FNBP1: variants seen among roughly 807,000 people sequenced by gnomAD.
FNBP1 encodes formin binding protein 1.
A neutral mutation model predicts 90.6 loss-of-function variants in FNBP1; 26 were observed. The observed-to-expected ratio is 0.29, with a 90% CI of 0.21 to 0.40. FNBP1 has a LOEUF of 0.40. FNBP1 is among the 10% of genes least tolerant of loss of function. FNBP1 has a pLI of 1.00. For synonymous variants in FNBP1, 260 were observed against 265.2 expected (o/e 0.98, Z 0.19); for missense variants, 635 against 768.0 (o/e 0.83, Z 2.05).
intron 6 of FNBP1, among the ~76,000 whole-genome samples, chr9:129,934,300 T>C (rs949168969): frequency 1.3e-5 from 2 of 152,178 alleles, no homozygotes; most frequent in Non-Finnish European, 2.9e-5. Context: ...GCAATATTAC[T>C]ACAGGGCAGA....
chr9:129,907,928 C>T (rs2038456131), intron 12 of FNBP1, among the ~76,000 whole-genome samples: 1 of 151,804 alleles, frequency 6.6e-6, no homozygotes, highest in South Asian at 2.1e-4. Context: ...AGGGTTTCAC[C>T]GTGTTAGCCA....
intron 11 of FNBP1, among the ~76,000 whole-genome samples, chr9:129,912,272 A>G (rs1287905302): frequency 6.6e-6 from 1 of 152,176 alleles, no homozygotes; most frequent in Non-Finnish European, 1.5e-5. Flanking sequence ...GTTGATTGTC[A>G]TAGTGGAACA....
At chr9:130,027,438 T>C (rs1589356880) in intron 1 of FNBP1, among the ~76,000 whole-genome samples, 1 of 152,312 alleles carries the variant, frequency 6.6e-6, no homozygotes. Flanking sequence ...ATTTTATCTT[T>C]AAACTAGAAT....
At chr9:130,014,304 T>A (rs1327599953) in intron 1 of FNBP1, among the ~76,000 whole-genome samples, 1 of 150,168 alleles carries the variant, frequency 6.7e-6, no homozygotes, top group Non-Finnish European at 1.5e-5. Flanking sequence ...CAGGCTGGAG[T>A]GCAATGGCGC....
chr9:130,042,082 G>T lies in FNBP1; in HGVS notation c.24+870C>A, dbSNP rs1328870887. 6.6e-6 allele frequency among the ~76,000 whole-genome samples: 1 copy of T among 152,080 alleles called. No homozygotes were observed. The highest frequency in any genetic ancestry group is 1.9e-4 in the East Asian group (1 of 5,140). On this transcript the variant is annotated intron_variant, in intron 1 of 16. Transcript: ENST00000446176. The surrounding 1 kb of genome is among the most constrained non-coding windows in gnomAD (Gnocchi z 5.5). ...GGAATCCGGGGACGGCAGGAAAAGAGCTCCATCCACAGCCAGCCCCTCGCC... is the reference window on the plus strand; with the variant it reads ...GGAATCCGGGGACGGCAGGAAAAGATCTCCATCCACAGCCAGCCCCTCGCC...
intron 1 of FNBP1, among the ~76,000 whole-genome samples, chr9:129,998,230 G>A (rs1442137026): frequency 8.8e-5 from 13 of 147,336 alleles, no homozygotes; most frequent in South Asian, 4.3e-4. Flanking sequence ...ATGGCCGGGC[G>A]CGGTGGCTCA....
At chr9:130,047,064 G>C (rs1470513259), upstream of FNBP1, among the ~76,000 whole-genome samples, 1 of 152,082 alleles carries the variant, frequency 6.6e-6, no homozygotes, top group East Asian at 1.9e-4. Context: ...CCCTCAATTT[G>C]TGATATCTGA....
chr9:129,919,065 T>C, intron 10 of FNBP1: 3 of 404,478 alleles, frequency 7.4e-6, no homozygotes, highest in Middle Eastern at 7.2e-4. Context: ...TGTGGAAGCA[T>C]AACAAGTGCC....
chr9:129,916,841 C>A (rs189474504), intron 10 of FNBP1, among the ~76,000 whole-genome samples: 71 of 152,258 alleles, frequency 4.7e-4, no homozygotes, highest in African/African-American at 1.7e-3. Context: ...TAGCATTGCT[C>A]TAAGAAACTA....
Position 129,889,623 on chromosome 9 carries a change from C to G in FNBP1, c.*916G>C, listed in dbSNP as rs2034945358. 4.4e-6 allele frequency: 1 copy of G among 225,436 alleles called. No homozygotes were observed. The highest frequency in any genetic ancestry group is 2.2e-5 in the African/African-American group (1 of 44,636). The allele number at this position is 225,436 out of a possible 1,614,324, so 14.0% of individuals were successfully genotyped here. On this transcript the variant is annotated 3_prime_UTR_variant, in exon 17 of 17. Transcript: ENST00000446176. ...AAGGAAGTGCTACCCTTTTCAGATG[C>G]TAATCCTGGGGCTCCTGGAAAGGAG...
intron 6 of FNBP1, among the ~76,000 whole-genome samples, chr9:129,933,032 C>T (rs2042986353): frequency 6.6e-6 from 1 of 152,104 alleles, no homozygotes; most frequent in Non-Finnish European, 1.5e-5. Flanking sequence ...ACAAGGCTTC[C>T]TCAGAAAGTC....
intron 2 of FNBP1, among the ~76,000 whole-genome samples, chr9:129,984,368 T>C (rs1302035177): frequency 6.6e-6 from 1 of 152,140 alleles, no homozygotes; most frequent in Non-Finnish European, 1.5e-5. Context: ...TGGGACAGCT[T>C]AGAATGGGTG....
At position 129,957,556 on chromosome 9, in the gene FNBP1, C is replaced by CA. The variant is rs2047147630; in HGVS notation, c.409-93_409-92insT. The CA allele has an allele frequency of 2.0e-5, 19 of 933,026 alleles. No homozygotes were observed. Among genetic ancestry groups the CA allele is most frequent in the Non-Finnish European group, 1.7e-5 (11 of 638,944 alleles). The allele number at this position is 933,026 out of a possible 1,614,324, so 57.8% of individuals were successfully genotyped here. A position where few individuals can be genotyped will look rare whatever the true frequency, so the allele number is the denominator to read the frequency against. Reference sequence around the variant, plus strand: ...GCTCCCAAAGAGCATTGTTCTTTTTCTTTTTTTTTTCTTCAGTCAGGGTCT... The same window carrying CA: ...GCTCCCAAAGAGCATTGTTCTTTTTCATTTTTTTTTTCTTCAGTCAGGGTCT... On this transcript the variant is annotated intron_variant, in intron 5 of 16. Transcript: ENST00000446176. This position sits in a 1 kb window ranked among gnomAD's most constrained non-coding sequence, Gnocchi z 4.3.
rs183694172 is a variant in FNBP1 at position 129,999,905 on chromosome 9, A to G, written c.25-4947T>C. ...AGACTTCTGCATTCAATCTATTACGATTCTTTACTTTGGCTGAAATATGTG... is the reference window on the plus strand; with the variant it reads ...AGACTTCTGCATTCAATCTATTACGGTTCTTTACTTTGGCTGAAATATGTG... On this transcript the variant is annotated intron_variant, in intron 1 of 16. Transcript: ENST00000446176. Among the ~76,000 whole-genome samples, 202 of 152,300 alleles carry G rather than the reference A, an allele frequency of 1.3e-3. 1 individual carries two copies. The highest frequency in any genetic ancestry group is 4.8e-3 in the African/African-American group (199 of 41,570).
At chr9:129,938,439 C>T (rs1002629446) in intron 6 of FNBP1, among the ~76,000 whole-genome samples, 17 of 151,838 alleles carry the variant, frequency 1.1e-4, no homozygotes, top group African/African-American at 4.1e-4. Context: ...ATGAGTCTGT[C>T]TTTGATAAAT....
rs769360352 is a variant in FNBP1 at position 130,032,167 on chromosome 9, CTTTTT to C, written c.24+10780_24+10784del. 2.1e-5 allele frequency among the ~76,000 whole-genome samples: 3 copies of C among 142,562 alleles called. No individual in the cohort carries two copies. The South Asian group carries it at 6.7e-4, about 32-fold the overall frequency. 93.5% of individuals were successfully genotyped at this position (142,562 alleles called of 152,430 possible). A position where few individuals can be genotyped will look rare whatever the true frequency, so the allele number is the denominator to read the frequency against. On this transcript the variant is annotated intron_variant, in intron 1 of 16. Coordinates refer to ENST00000446176, the MANE Select transcript of FNBP1 (RefSeq NM_015033.3). ...ATTTTTAAGGATAAGTTAAAATAAA[CTTTTT>C]TTTTTTTTTTCCCAGACAAGGTCTT...
intron 1 of FNBP1, among the ~76,000 whole-genome samples, chr9:130,036,699 CCT>C (rs2059344132): frequency 6.6e-6 from 1 of 152,158 alleles, no homozygotes; most frequent in African/African-American, 2.4e-5. Context: ...TATTATCTCC[CCT>C]GTTGGTCTTG....
intron 1 of FNBP1, among the ~76,000 whole-genome samples, chr9:130,037,926 T>C (rs185704469): frequency 2.9e-4 from 44 of 152,316 alleles, no homozygotes; most frequent in Admixed American, 5.9e-4. Flanking sequence ...TCAGGCATTG[T>C]TCCCAGTACA....
intron 4 of FNBP1, among the ~76,000 whole-genome samples, chr9:129,961,603 C>T (rs373914429): frequency 5.9e-5 from 9 of 152,082 alleles, no homozygotes; most frequent in East Asian, 1.9e-4. Flanking sequence ...AGTCTTGTTC[C>T]GTTGCCCAGG....
Sources: allele counts gnomAD v4.1 joint callset (sites outside exome capture counted in the v4.1 genomes callset), GRCh38; gene constraint gnomAD v4.1.1; non-coding constraint Gnocchi (gnomAD v3.1); transcripts MANE v1.5; gene names NCBI Gene and HGNC (gene_info 2026-07-23, HGNC 2026-07-21).